GCN1: variants seen among roughly 807,000 people sequenced by gnomAD.
The protein encoded by GCN1 is GCN1 activator of EIF2AK4.
In GCN1, 90 loss-of-function variants were observed where a neutral mutation model predicts 288.4. The ratio of observed to expected loss-of-function variants is 0.31; its 90% CI spans 0.26 to 0.37. The LOEUF is 0.37. Ranked by LOEUF, GCN1 falls within the 10% of genes least tolerant of loss-of-function variation. The pLI is 1.00. For missense variants in GCN1, 2,586 were observed against 3,419.9 expected (o/e 0.76, Z 6.08); for synonymous variants, 1,386 against 1,420.2 (o/e 0.98, Z 0.54).
At chr12:120,161,350 C>T (rs1379622782) in intron 22 of GCN1, 140 bp downstream of exon 22, 1 of 649,524 alleles carries the variant, frequency 1.5e-6, no homozygotes. Context: ...GTGCACCAGA[C>T]ACTGGTCAGG....
chr12:120,173,066 T>C (rs1026469957), intron 14 of GCN1, among the ~76,000 whole-genome samples: 47 of 151,444 alleles, frequency 3.1e-4, no homozygotes, highest in Non-Finnish European at 6.3e-4. Context: ...TCTTTTTTTT[T>C]TTTTTTTTTC....
chr12:120,152,963 A>T (rs1455936885), intron 33 of GCN1, among the ~76,000 whole-genome samples: 1 of 152,064 alleles, frequency 6.6e-6, no homozygotes, highest in Non-Finnish European at 1.5e-5. Flanking sequence ...TTCACTATAA[A>T]CCAGGTGAGT....
intron 51 of GCN1, among the ~76,000 whole-genome samples, chr12:120,135,953 T>C (rs1311785956): frequency 6.6e-6 from 1 of 150,882 alleles, no homozygotes; most frequent in African/African-American, 2.5e-5. Flanking sequence ...GAGGCGGAGG[T>C]TGCAGTGAGC....
intron 22 of GCN1, 30 bp downstream of exon 22, chr12:120,161,460 C>T: frequency 6.8e-7 from 1 of 1,480,738 alleles, no homozygotes; most frequent in East Asian, 2.3e-5. Flanking sequence ...GCTCAGCAGC[C>T]ACCTTCCGTA....
Position 120,138,849 on chromosome 12 carries a change from T to C in GCN1, c.6002A>G (p.Tyr2001Cys). ...CGTGGGCACGAGGGATTCAGAGAAATACAGCACCTGCAATGGCAAGCTACA... is the reference window on the plus strand; with the variant it reads ...CGTGGGCACGAGGGATTCAGAGAAACACAGCACCTGCAATGGCAAGCTACA... ...MKSTSRDAVL[Y>C]FSESLVPTAR... Residue 2001 changes from tyrosine to cysteine, a missense_variant, in exon 46 of 58, where the codon TAT (tyrosine) becomes TGT (cysteine). By Grantham distance (194) the Tyr-to-Cys change is radical. Around this residue, in one of 8 missense-constraint regions of GCN1, gnomAD observed 437 missense variants for 570.5 expected, o/e 0.77. Coordinates refer to ENST00000300648, the MANE Select transcript of GCN1 (RefSeq NM_006836.2). The C allele has an allele frequency of 6.2e-7, 1 of 1,608,974 alleles. No homozygotes were observed.
At chr12:120,169,026 T>C (rs1878223779) in intron 15 of GCN1, among the ~76,000 whole-genome samples, 1 of 152,006 alleles carries the variant, frequency 6.6e-6, no homozygotes, top group South Asian at 2.1e-4. Flanking sequence ...CCGGGCGCAG[T>C]GGCTCACGCC....
At position 120,153,522 on chromosome 12, in the gene GCN1, A is replaced by G. The variant is rs571324120; in HGVS notation, c.3868-115T>C. 21 of 998,044 alleles carry G rather than the reference A, an allele frequency of 2.1e-5. No individual in the cohort carries two copies. Among genetic ancestry groups the G allele is most frequent in the Non-Finnish European group, 2.9e-5 (20 of 680,492 alleles). 61.8% of individuals were successfully genotyped at this position (998,044 alleles called of 1,614,324 possible). The stretch of plus-strand genomic sequence containing the variant: ...CTAGCTCTGGGACAGGCATCCTGAC[A>G]TGCCAGCCAGTGGCTCTTCCAGTTT... On this transcript the variant is annotated intron_variant, in intron 32 of 57. Transcript: ENST00000300648. This position sits in a 1 kb window ranked among gnomAD's most constrained non-coding sequence, Gnocchi z 4.4.
At chr12:120,154,031 A>G (rs1471217313) in intron 31 of GCN1, 122 bp from the exon 32 acceptor site, 20 of 768,102 alleles carry the variant, frequency 2.6e-5, no homozygotes, top group Non-Finnish European at 2.1e-6. Context: ...TTTTGGGGGC[A>G]GAGAACAGCC....
Position 120,134,828 on chromosome 12 carries a change from G to T in GCN1, c.7009-102C>A. ...AATGACAATCCCAAACCACCACAGC[G>T]AGTCCAGCTCTCATACAGGGCTGGG... On this transcript the variant is annotated intron_variant, in intron 51 of 57. Transcript: ENST00000300648. The surrounding 1 kb of genome is among the most constrained non-coding windows in gnomAD (Gnocchi z 5.0). The T allele has an allele frequency of 4.1e-6, 4 of 982,616 alleles. No homozygotes were observed. The highest frequency in any genetic ancestry group is 2.5e-5 in the East Asian group (1 of 40,698). 60.9% of individuals were successfully genotyped at this position (982,616 alleles called of 1,614,324 possible).
chr12:120,188,291 G>A (rs963159373), intron 2 of GCN1, among the ~76,000 whole-genome samples: 19 of 152,032 alleles, frequency 1.2e-4, no homozygotes, highest in Non-Finnish European at 2.2e-4. Flanking sequence ...AATATTAGCT[G>A]GGCGTGGTAG....
At chr12:120,185,475 TGAA>T (rs1053904246) in intron 2 of GCN1, among the ~76,000 whole-genome samples, 8 of 152,242 alleles carry the variant, frequency 5.3e-5, no homozygotes, top group East Asian at 1.9e-4. Flanking sequence ...TCAGAACACA[TGAA>T]GAAGAAGAGA....
chr12:120,172,999 G>A (rs188291981), intron 14 of GCN1, among the ~76,000 whole-genome samples: 63 of 151,738 alleles, frequency 4.2e-4, no homozygotes, highest in Middle Eastern at 3.5e-3. Flanking sequence ...GAAGGGCGGT[G>A]GTCATTTTTA....
intron 5 of GCN1, among the ~76,000 whole-genome samples, chr12:120,179,893 G>C (rs919299999): frequency 1.3e-5 from 2 of 152,194 alleles, no homozygotes; most frequent in Non-Finnish European, 2.9e-5. Context: ...ACCACTGCAT[G>C]GCAGGCTCTA....
At chr12:120,146,343 T>G (rs1224259679) in intron 38 of GCN1, among the ~76,000 whole-genome samples, 1 of 152,066 alleles carries the variant, frequency 6.6e-6, no homozygotes, top group Non-Finnish European at 1.5e-5. Flanking sequence ...GTTTTCTAAT[T>G]TTTTTAATTA....
intron 9 of GCN1, among the ~76,000 whole-genome samples, 168 bp downstream of exon 9, chr12:120,177,279 A>G (rs1417354712): frequency 6.6e-6 from 1 of 152,142 alleles, no homozygotes; most frequent in Non-Finnish European, 1.5e-5. Context: ...GGCTTTCAAC[A>G]TAATCGCAAA....
rs142211074 is a variant in GCN1, at chr12:120,185,521, A to G, written c.122-634T>C. Among the ~76,000 whole-genome samples the G allele has an allele frequency of 3.8e-3, 585 of 152,320 alleles. 4 individuals carry two copies. The highest frequency in any genetic ancestry group is 0.013 in the African/African-American group (540 of 41,572). ...TAACACCCTAGCTCTTAGTGCTTAC[A>G]AGATGCCAGACCCTGCTCTAGATCA... On this transcript the variant is annotated intron_variant, in intron 2 of 57. Coordinates refer to ENST00000300648, the MANE Select transcript of GCN1 (RefSeq NM_006836.2).
At chr12:120,165,044 TATATATA>T (rs1878070722) in intron 16 of GCN1, among the ~76,000 whole-genome samples, 1 of 135,990 alleles carries the variant, frequency 7.4e-6, no homozygotes, top group African/African-American at 3.0e-5. Flanking sequence ...CACATATATA[TATATATA>T]TTTTTTTTTT....
rs773844320 is a variant in GCN1, at chr12:120,149,596, G to A, written c.4546+10C>T. The A allele has an allele frequency of 1.3e-6, 2 of 1,576,698 alleles. No homozygotes were observed. Among genetic ancestry groups the A allele is most frequent in the African/African-American group, 2.7e-5 (2 of 74,346 alleles). Reference sequence around the variant, plus strand: ...GAAGCTGGGAAGAGAGGCAGAGCGAGTGGTCTTACCAGCTTTGGTCCGCCA... The same window carrying A: ...GAAGCTGGGAAGAGAGGCAGAGCGAATGGTCTTACCAGCTTTGGTCCGCCA... On this transcript the variant is annotated intron_variant, in intron 36 of 57. Transcript: ENST00000300648.
chr12:120,161,574 C>T lies in GCN1; in HGVS notation c.2352G>A (p.Gln784=). The stretch of plus-strand genomic sequence containing the variant: ...TCATGTTGGCCTTTTTTATGCTGTC[C>T]TGCTGGGCACTGAAACACCAGAGTG... ...YDKSIIQSAQ[Q]DSIKKANMKR... is the part of the protein sequence containing the mutation. Residue 784 remains glutamine (Q), a synonymous_variant, in exon 22 of 58, where the codon CAG becomes CAA. Transcript: ENST00000300648. 1 of 1,612,444 alleles carries T rather than the reference C, an allele frequency of 6.2e-7. No individual in the cohort carries two copies. The highest frequency in any genetic ancestry group is 8.5e-7 in the Non-Finnish European group (1 of 1,178,504).
Sources: gnomAD v4.1 joint callset for allele counts (sites outside exome capture counted in the v4.1 genomes callset) on GRCh38, gnomAD v4.1.1 for gene constraint, gnomAD v4.1.1 regional missense constraint, Gnocchi (gnomAD v3.1) non-coding constraint, MANE v1.5 for transcripts, NCBI Gene and HGNC (gene_info 2026-07-23, HGNC 2026-07-21) for gene names.